The following TBC1D19 variants were observed in gnomAD, a reference collection of about 807,000 sequenced individuals.
The protein encoded by TBC1D19 is TBC1 domain family, member 19.
TBC1D19 carries 60 observed loss-of-function variants against 89.0 expected under a neutral mutation model. That is an observed-to-expected ratio of 0.67 (90% CI 0.55 to 0.84). The LOEUF (loss-of-function observed/expected upper bound fraction) is 0.84, where lower values mean the gene tolerates loss of function less well. TBC1D19 is among the 40% of genes least tolerant of loss of function. The pLI is 0.00. For missense variants in TBC1D19, 500 were observed against 610.8 expected (o/e 0.82, Z 1.91); for synonymous variants, 189 against 199.7 (o/e 0.95, Z 0.45).
chr4:26,812,413 CG>C, the TBC1D19 span, among the ~76,000 whole-genome samples: 2 of 152,196 alleles, frequency 1.3e-5, no homozygotes, highest in African/African-American at 4.8e-5. This position sits in a 1 kb window ranked among gnomAD's most constrained non-coding sequence, Gnocchi z 4.2. Flanking sequence ...ACGATCCCCA[CG>C]GAATTCCAAG....
chr4:26,853,488 A>G, the TBC1D19 span, among the ~76,000 whole-genome samples: 1 of 152,154 alleles, frequency 6.6e-6, no homozygotes, highest in Non-Finnish European at 1.5e-5. Flanking sequence ...AGCGGGCCCA[A>G]TAAATTTGGC....
At chr4:26,705,794 G>T (rs1366666993) in intron 13 of TBC1D19, among the ~76,000 whole-genome samples, 1 of 151,986 alleles carries the variant, frequency 6.6e-6, no homozygotes, top group Non-Finnish European at 1.5e-5. Context: ...TTTCTCGTAG[G>T]GTCTTTGGTG....
chr4:26,794,461 TA>T, the TBC1D19 span, among the ~76,000 whole-genome samples: 1 of 151,794 alleles, frequency 6.6e-6, no homozygotes, highest in African/African-American at 2.4e-5. Context: ...AGTTTAAAAA[TA>T]AAAAAGGAGG....
intron 15 of TBC1D19, among the ~76,000 whole-genome samples, chr4:26,733,467 AC>A (rs1224576623): frequency 1.3e-5 from 2 of 152,172 alleles, no homozygotes; most frequent in East Asian, 1.9e-4. Flanking sequence ...AAAGACACAC[AC>A]ACACACACAC....
chr4:26,751,113 C>A, intron 19 of TBC1D19, among the ~76,000 whole-genome samples: 1 of 152,156 alleles, frequency 6.6e-6, no homozygotes, highest in East Asian at 1.9e-4. Context: ...CCTTTCCTCC[C>A]TGGCAAACAA....
intron 11 of TBC1D19, among the ~76,000 whole-genome samples, chr4:26,679,397 C>T (rs751299595): frequency 1.3e-5 from 2 of 152,140 alleles, no homozygotes; most frequent in Admixed American, 1.3e-4. Context: ...TGGTGGTGGT[C>T]TAGCAGGTAC....
intron 15 of TBC1D19, among the ~76,000 whole-genome samples, chr4:26,734,552 T>G (rs970269556): frequency 2.6e-5 from 4 of 152,178 alleles, no homozygotes; most frequent in African/African-American, 9.7e-5. Context: ...TTGAAAAGGA[T>G]GTGTACTTTA....
Position 26,754,885 on chromosome 4 carries a change from G to T in TBC1D19, c.1519G>T (p.Asp507Tyr). 6.2e-7 allele frequency: 1 copy of T among 1,600,124 alleles called. No individual in the cohort carries two copies. The highest frequency in any genetic ancestry group is 1.1e-5 in the South Asian group (1 of 89,188). ...TTTTTTGTTTCAGGCAGTTCTTGCTGACCTTTCTACTTTAAAAGTTATGCC... is the reference window on the plus strand; with the variant it reads ...TTTTTTGTTTCAGGCAGTTCTTGCTTACCTTTCTACTTTAAAAGTTATGCC... ...SLAAAEAVLA[D>Y]LSTLKVMPLL... Residue 507 changes from aspartate to tyrosine, a missense_variant, in exon 21 of 21, where the codon GAC becomes TAC. Asp to Tyr is a radical substitution (Grantham distance 160, BLOSUM62 -3). Coordinates refer to ENST00000264866, the MANE Select transcript of TBC1D19 (RefSeq NM_018317.4).
At chr4:26,740,152 G>C (rs1230796584) in intron 17 of TBC1D19, among the ~76,000 whole-genome samples, 179 bp downstream of exon 17, 1 of 151,918 alleles carries the variant, frequency 6.6e-6, no homozygotes, top group African/African-American at 2.4e-5. Flanking sequence ...AAATATTTTG[G>C]TAATAATTTA....
chr4:26,616,809 A>T (rs957992878), intron 3 of TBC1D19, among the ~76,000 whole-genome samples: 2 of 152,218 alleles, frequency 1.3e-5, no homozygotes, highest in Non-Finnish European at 2.9e-5. Flanking sequence ...TTCAGATTGC[A>T]TACTTTAATT....
the TBC1D19 span, among the ~76,000 whole-genome samples, chr4:26,789,776 G>C: frequency 6.6e-6 from 1 of 152,144 alleles, no homozygotes; most frequent in Non-Finnish European, 1.5e-5. Context: ...CCATAGGAAA[G>C]TCATGAGTCA....
At chr4:26,696,903 G>T in intron 13 of TBC1D19, among the ~76,000 whole-genome samples, 1 of 152,252 alleles carries the variant, frequency 6.6e-6, no homozygotes. Context: ...ACAAGACAAA[G>T]CAGGAAAGAT....
At chr4:26,776,746 C>A in the TBC1D19 span, among the ~76,000 whole-genome samples, 1 of 152,100 alleles carries the variant, frequency 6.6e-6, no homozygotes, top group Non-Finnish European at 1.5e-5. Flanking sequence ...GCTTGGCTCA[C>A]ATTTTCTTTC....
At chr4:26,743,167 C>CT (rs1718468385) in intron 18 of TBC1D19, among the ~76,000 whole-genome samples, 1 of 151,928 alleles carries the variant, frequency 6.6e-6, no homozygotes. Flanking sequence ...CTATCTCTCT[C>CT]TTTTAAAAAA....
At chr4:26,721,978 C>G (rs577420831) in intron 15 of TBC1D19, among the ~76,000 whole-genome samples, 1 of 152,212 alleles carries the variant, frequency 6.6e-6, no homozygotes, top group South Asian at 2.1e-4. Context: ...GGCTAAGGGC[C>G]CTTCCTCTAG....
chr4:26,703,878 G>A (rs528785342), intron 13 of TBC1D19, among the ~76,000 whole-genome samples: 55 of 149,578 alleles, frequency 3.7e-4, no homozygotes, highest in Non-Finnish European at 5.8e-4. Context: ...GGAGAATGGC[G>A]TGAACCAGGG....
chr4:26,733,906 T>A (rs927271478), intron 15 of TBC1D19, among the ~76,000 whole-genome samples: 27 of 152,150 alleles, frequency 1.8e-4, no homozygotes, highest in African/African-American at 6.5e-4. Flanking sequence ...CTTTAAGGAC[T>A]GCAGTGAACT....
At chr4:26,605,441 TC>T (rs1355479275) in intron 1 of TBC1D19, among the ~76,000 whole-genome samples, 2 of 151,980 alleles carry the variant, frequency 1.3e-5, no homozygotes, top group Non-Finnish European at 2.9e-5. Context: ...ATTTTCTTTA[TC>T]CAGTCTACCA....
intron 4 of TBC1D19, among the ~76,000 whole-genome samples, chr4:26,624,101 T>TA (rs1327563005): frequency 6.6e-6 from 1 of 152,166 alleles, no homozygotes; most frequent in Non-Finnish European, 1.5e-5. Context: ...TCTGCTGTCT[T>TA]ATAACTGTCC....
Sources: gnomAD v4.1 joint callset for allele counts (sites outside exome capture counted in the v4.1 genomes callset) on GRCh38, gnomAD v4.1.1 for gene constraint, Gnocchi (gnomAD v3.1) non-coding constraint, MANE v1.5 for transcripts, NCBI Gene and HGNC (gene_info 2026-07-23, HGNC 2026-07-21) for gene names.